ADAMTS16: variants seen among roughly 807,000 people sequenced by gnomAD.
The protein encoded by ADAMTS16 is ADAM metallopeptidase with thrombospondin type 1 motif 16, also known as A disintegrin and metalloproteinase with thrombospondin motifs 16.
A neutral mutation model predicts 145.8 loss-of-function variants in ADAMTS16; 94 were observed. The ratio of observed to expected loss-of-function variants is 0.64; its 90% CI spans 0.55 to 0.77. The LOEUF (loss-of-function observed/expected upper bound fraction) is 0.77, where lower values mean the gene tolerates loss of function less well. Among genes scored for constraint, ADAMTS16 ranks in the 30% least tolerant of loss-of-function variants. The pLI, the probability that ADAMTS16 is intolerant of heterozygous loss-of-function variation, is 0.00. For synonymous variants in ADAMTS16, 659 were observed against 604.3 expected (o/e 1.09, Z -1.33); for missense variants, 1,585 against 1,591.5 (o/e 1.00, Z 0.07).
chr5:5,298,489 C>T (rs1052494268), intron 18 of ADAMTS16, among the ~76,000 whole-genome samples: 1 of 67,488 alleles, frequency 1.5e-5, no homozygotes, highest in Non-Finnish European at 3.8e-5. Context: ...AGGAGGATGG[C>T]AAGTAATAAG....
intron 18 of ADAMTS16, among the ~76,000 whole-genome samples, chr5:5,266,024 G>A (rs950927084): frequency 6.9e-5 from 10 of 144,512 alleles, no homozygotes; most frequent in Non-Finnish European, 1.2e-4. Flanking sequence ...GTGTGTGTGT[G>A]TGTGACTTTC....
intron 18 of ADAMTS16, among the ~76,000 whole-genome samples, chr5:5,270,630 C>G (rs1738431877): frequency 6.6e-6 from 1 of 152,120 alleles, no homozygotes; most frequent in Non-Finnish European, 1.5e-5. Context: ...ATATGTCAAC[C>G]CTTGGGGATT....
intron 10 of ADAMTS16, among the ~76,000 whole-genome samples, chr5:5,216,109 A>T (rs1324072891): frequency 6.6e-6 from 1 of 151,606 alleles, no homozygotes; most frequent in African/African-American, 2.4e-5. Context: ...TCTTTAAGGA[A>T]TCTCCACACT....
At chr5:5,250,484 G>A (rs1180849940) in intron 17 of ADAMTS16, among the ~76,000 whole-genome samples, 2 of 152,132 alleles carry the variant, frequency 1.3e-5, no homozygotes, top group Non-Finnish European at 2.9e-5. Flanking sequence ...CATGAAAAAT[G>A]GTTTCTTAAA....
At chr5:5,212,241 T>G (rs2126322573) in intron 10 of ADAMTS16, among the ~76,000 whole-genome samples, 1 of 142,360 alleles carries the variant, frequency 7.0e-6, no homozygotes, top group South Asian at 2.4e-4. Context: ...GGAGTCTTGC[T>G]CTGTCACCCA....
chr5:5,254,271 A>G (rs1460720351), intron 17 of ADAMTS16, among the ~76,000 whole-genome samples: 1 of 152,048 alleles, frequency 6.6e-6, no homozygotes, highest in African/African-American at 2.4e-5. Context: ...TATTCTCTTG[A>G]GCTTCCTAGA....
intron 20 of ADAMTS16, among the ~76,000 whole-genome samples, chr5:5,304,487 T>C (rs1037317396): frequency 2.0e-5 from 3 of 152,080 alleles, no homozygotes; most frequent in Admixed American, 6.5e-5. Context: ...GAACGGGGTA[T>C]TGAGAGATCA....
chr5:5,171,183 T>C (rs1486010416), intron 3 of ADAMTS16, among the ~76,000 whole-genome samples: 2 of 152,198 alleles, frequency 1.3e-5, no homozygotes, highest in Non-Finnish European at 2.9e-5. Context: ...TGTCTTTAGA[T>C]TTTTTTCAAA....
At position 5,146,385 on chromosome 5, in the gene ADAMTS16, T is replaced by G; in HGVS notation, c.431T>G (p.Phe144Cys). ...KSVQTLPPED[F>C]CFYQGSLRSH... ...GTGCAGACTTTACCGCCAGAGGACT[T>G]CTGTTTCTATCAAGGCTCTTTGCGA... The change falls in exon 3 of 23, where the codon TTC becomes TGC. Residue 144 changes from phenylalanine to cysteine, a missense_variant. Around this residue, in one of 3 missense-constraint regions of ADAMTS16, gnomAD observed 453 missense variants for 412.1 expected, o/e 1.10. Transcript: ENST00000274181. 3.1e-6 allele frequency: 5 copies of G among 1,614,068 alleles called. No homozygotes were observed. Among genetic ancestry groups the G allele is most frequent in the Non-Finnish European group, 4.2e-6 (5 of 1,180,040 alleles).
intron 8 of ADAMTS16, among the ~76,000 whole-genome samples, chr5:5,194,506 A>G (rs936062142): frequency 3.3e-5 from 5 of 152,144 alleles, no homozygotes; most frequent in Non-Finnish European, 5.9e-5. Flanking sequence ...ATGTGTATGA[A>G]TGGAGTCGGG....
At position 5,239,731 on chromosome 5, in the gene ADAMTS16, T is replaced by C. The variant is rs988435323; in HGVS notation, c.2329T>C (p.Tyr777His). 3.0e-5 allele frequency: 49 copies of C among 1,614,084 alleles called. No individual in the cohort carries two copies. The highest frequency in any genetic ancestry group is 4.2e-5 in the Non-Finnish European group (49 of 1,180,044). Residue 777 changes from tyrosine (Y) to histidine (H), a missense_variant, in exon 16 of 23, where the codon TAT (tyrosine) becomes CAT (histidine). By Grantham distance (83) the Tyr-to-His change is moderately conservative. Around this residue, in one of 3 missense-constraint regions of ADAMTS16, gnomAD observed 834 missense variants for 811.7 expected, o/e 1.03. Coordinates refer to ENST00000274181, the MANE Select transcript of ADAMTS16 (RefSeq NM_139056.4). The stretch of plus-strand genomic sequence containing the variant: ...TTCTGGAGCCCGGAGTATCCGCATC[T>C]ATGAAATGAACGTCTCTACCTCCTA... ...IPSGARSIRI[Y>H]EMNVSTSYIS...
chr5:5,224,312 CAG>C (rs10593220), intron 11 of ADAMTS16, among the ~76,000 whole-genome samples: 86,108 of 151,802 alleles, frequency 0.57, 25,746 homozygotes, highest in African/African-American at 0.76. Flanking sequence ...TTTTTTGAGA[CAG>C]AGTCTTGCTC....
chr5:5,197,729 G>A (rs1461718580), intron 8 of ADAMTS16, among the ~76,000 whole-genome samples: 2 of 152,160 alleles, frequency 1.3e-5, no homozygotes, highest in Non-Finnish European at 2.9e-5. Flanking sequence ...CTTTATTAAT[G>A]GTGGTATTAA....
chr5:5,143,999 G>A (rs2126498619), intron 2 of ADAMTS16, among the ~76,000 whole-genome samples: 1 of 152,200 alleles, frequency 6.6e-6, no homozygotes, highest in Non-Finnish European at 1.5e-5. Context: ...GGCAAGGGGA[G>A]GGATAGCATT....
chr5:5,148,030 A>G (rs1734351565), intron 3 of ADAMTS16, among the ~76,000 whole-genome samples: 1 of 152,234 alleles, frequency 6.6e-6, no homozygotes, highest in Non-Finnish European at 1.5e-5. Context: ...CAGAGTTAAC[A>G]GGAAAAGTTA....
intron 9 of ADAMTS16, among the ~76,000 whole-genome samples, chr5:5,206,222 C>A (rs1245094385): frequency 6.7e-6 from 1 of 150,040 alleles, no homozygotes; most frequent in Non-Finnish European, 1.5e-5. Flanking sequence ...GTCAGGAGAT[C>A]GAGACCATCC....
At chr5:5,187,619 C>G (rs1735541294) in intron 5 of ADAMTS16, 106 bp from the exon 6 acceptor site, 9 of 755,748 alleles carry the variant, frequency 1.2e-5, no homozygotes, top group Non-Finnish European at 2.1e-5. Context: ...AGAAAGTTAA[C>G]AGTGCTCTGT....
At chr5:5,274,379 A>G (rs961509281) in intron 18 of ADAMTS16, among the ~76,000 whole-genome samples, 3 of 151,734 alleles carry the variant, frequency 2.0e-5, no homozygotes, top group Admixed American at 2.0e-4. Flanking sequence ...CTCCCGACCA[A>G]CCCCTGGCAA....
intron 17 of ADAMTS16, among the ~76,000 whole-genome samples, chr5:5,255,182 AT>A (rs1469541470): frequency 6.6e-6 from 1 of 152,088 alleles, no homozygotes; most frequent in Non-Finnish European, 1.5e-5. Context: ...ACATGTAAAT[AT>A]TTTCTTATTC....
Sources: allele counts gnomAD v4.1 joint callset (sites outside exome capture counted in the v4.1 genomes callset), GRCh38; gene constraint gnomAD v4.1.1; regional missense constraint gnomAD v4.1.1; transcripts MANE v1.5; gene names NCBI Gene and HGNC (gene_info 2026-07-23, HGNC 2026-07-21).